ASAH2: variants seen among roughly 807,000 people sequenced by gnomAD.
The protein encoded by ASAH2 is neutral ceramidase.
A neutral mutation model predicts 82.9 loss-of-function variants in ASAH2; 58 were observed. The observed-to-expected ratio is 0.70, with a 90% confidence interval of 0.57 to 0.87. The LOEUF is 0.87. ASAH2 is among the 40% of genes least tolerant of loss of function. The pLI is 0.00. For synonymous variants in ASAH2, 276 were observed against 289.7 expected, an observed-to-expected ratio of 0.95 and a Z score of 0.48; for missense variants, 779 against 834.0, an observed-to-expected ratio of 0.93 and a Z score of 0.81.
chr10:50,198,879 C>T (rs1266445817), intron 17 of ASAH2, among the ~76,000 whole-genome samples, 172 bp downstream of exon 17: 18 of 151,952 alleles, frequency 1.2e-4, no homozygotes, highest in Admixed American at 7.9e-4. Context: ...AGAGATACCA[C>T]AAAACTATAA....
intron 7 of ASAH2, among the ~76,000 whole-genome samples, chr10:50,220,221 G>T (rs1845705270): frequency 6.6e-6 from 1 of 152,106 alleles, no homozygotes; most frequent in African/African-American, 2.4e-5. Flanking sequence ...TAATTTTGTT[G>T]GTTGTAATAA....
intron 7 of ASAH2, among the ~76,000 whole-genome samples, chr10:50,224,589 G>A (rs2133217688): frequency 6.6e-6 from 1 of 152,026 alleles, no homozygotes; most frequent in African/African-American, 2.4e-5. Flanking sequence ...TCATTTGCAA[G>A]GTGGGGCGTG....
chr10:50,227,867 G>A (rs1163612050), intron 7 of ASAH2, among the ~76,000 whole-genome samples: 1 of 152,118 alleles, frequency 6.6e-6, no homozygotes, highest in Non-Finnish European at 1.5e-5. Flanking sequence ...GCAGGGGAGA[G>A]GGGTGAACCT....
At chr10:50,205,454 G>GA (rs1233498706) in intron 13 of ASAH2, among the ~76,000 whole-genome samples, 5,210 of 151,888 alleles carry the variant, frequency 0.034, 154 homozygotes, top group Middle Eastern at 0.14. Context: ...GGATATTAGG[G>GA]AAAAATGTAT....
At chr10:50,228,773 GGAA>G (rs1304077389) in intron 7 of ASAH2, among the ~76,000 whole-genome samples, 1 of 151,854 alleles carries the variant, frequency 6.6e-6, no homozygotes, top group East Asian at 1.9e-4. Flanking sequence ...AAAGAGGGGA[GGAA>G]GAAGAGGAGG....
chr10:50,198,884 CTA>C (rs1207812064), intron 17 of ASAH2, among the ~76,000 whole-genome samples, 165 bp downstream of exon 17: 1 of 151,954 alleles, frequency 6.6e-6, no homozygotes, highest in Non-Finnish European at 1.5e-5. Flanking sequence ...TACCACAAAA[CTA>C]TAAATTTTGT....
intron 3 of ASAH2, 141 bp downstream of exon 3, chr10:50,245,081 T>C (rs764047071): frequency 6.0e-5 from 45 of 747,280 alleles, no homozygotes; most frequent in Non-Finnish European, 9.4e-5. Context: ...ATGAAATTCA[T>C]AGTGCTAGAC....
chr10:50,219,649 C>CATTTG (rs1845692847), intron 7 of ASAH2, among the ~76,000 whole-genome samples: 2 of 152,314 alleles, frequency 1.3e-5, no homozygotes, highest in South Asian at 4.1e-4. Flanking sequence ...TACATTCCTA[C>CATTTG]CTAAGCAATG....
At chr10:50,203,581 T>C in intron 15 of ASAH2, 59 bp downstream of exon 15, 1 of 1,345,054 alleles carries the variant, frequency 7.4e-7, no homozygotes, top group African/African-American at 1.4e-5. Context: ...AGGGATAGGA[T>C]ATACTTTCCT....
intron 1 of ASAH2, among the ~76,000 whole-genome samples, chr10:50,250,994 G>T (rs1468256321): frequency 4.6e-5 from 7 of 152,066 alleles, no homozygotes; most frequent in Admixed American, 2.6e-4. Context: ...TTAAAACTTG[G>T]GTTAGCACTA....
At chr10:50,220,467 T>G (rs1314768255) in intron 7 of ASAH2, among the ~76,000 whole-genome samples, 2 of 144,248 alleles carry the variant, frequency 1.4e-5, no homozygotes, top group Admixed American at 1.5e-4. Context: ...TATGAATATG[T>G]CCTTTGCCGG....
rs1477380463 is a variant in ASAH2, at chr10:50,185,181, G to T, written c.*2134C>A. Reference sequence around the variant, plus strand: ...CTGCAGCATCCACAGACATGAATTGGATCTGTGTTTTTATATCAACAGATA... The same window carrying T: ...CTGCAGCATCCACAGACATGAATTGTATCTGTGTTTTTATATCAACAGATA... On this transcript the variant is annotated 3_prime_UTR_variant, in exon 21 of 21. Coordinates refer to ENST00000682911, the MANE Select transcript of ASAH2 (RefSeq NM_019893.4). 2.6e-5 allele frequency: 4 copies of T among 151,036 alleles called. No individual in the cohort carries two copies. Among genetic ancestry groups the T allele is most frequent in the Non-Finnish European group, 5.9e-5 (4 of 67,676 alleles). The allele number at this position is 151,036 out of a possible 1,614,324, so 9.4% of individuals were successfully genotyped here.
chr10:50,222,325 C>G (rs1389896003), intron 7 of ASAH2, among the ~76,000 whole-genome samples: 1 of 152,220 alleles, frequency 6.6e-6, no homozygotes, highest in Non-Finnish European at 1.5e-5. Flanking sequence ...GTTGCCCAGG[C>G]TGGAGTGCAG....
At chr10:50,230,533 T>C (rs1245842276) in intron 7 of ASAH2, among the ~76,000 whole-genome samples, 1 of 152,090 alleles carries the variant, frequency 6.6e-6, no homozygotes, top group Non-Finnish European at 1.5e-5. Context: ...CAAGAGGCAA[T>C]TGCAGGAGCA....
intron 3 of ASAH2, among the ~76,000 whole-genome samples, chr10:50,243,638 C>T (rs1052335497): frequency 1.3e-5 from 2 of 152,280 alleles, no homozygotes; most frequent in Admixed American, 6.5e-5. Context: ...CAGGAGGGAG[C>T]TGGTGAGGCT....
At chr10:50,225,885 G>A (rs1845870661) in intron 7 of ASAH2, among the ~76,000 whole-genome samples, 1 of 152,118 alleles carries the variant, frequency 6.6e-6, no homozygotes, top group South Asian at 2.1e-4. Context: ...GAGGTCAGGA[G>A]TTTGAGACTA....
chr10:50,206,330 T>G (rs1845296292), intron 12 of ASAH2, among the ~76,000 whole-genome samples: 1 of 151,866 alleles, frequency 6.6e-6, no homozygotes, highest in Admixed American at 6.6e-5. Context: ...AACGACAGAG[T>G]ATATTTTGTC....
intron 8 of ASAH2, among the ~76,000 whole-genome samples, chr10:50,217,551 T>C (rs1845637842): frequency 6.6e-6 from 1 of 152,132 alleles, no homozygotes; most frequent in Non-Finnish European, 1.5e-5. Flanking sequence ...CTGTCATGAA[T>C]ATTTATGTGC....
chr10:50,206,419 G>C (rs1845298319), intron 12 of ASAH2, among the ~76,000 whole-genome samples: 1 of 151,684 alleles, frequency 6.6e-6, no homozygotes, highest in African/African-American at 2.4e-5. Context: ...ATTAACTGCA[G>C]ATTTGTGGAC....
Sources: gnomAD v4.1 joint callset for allele counts (sites outside exome capture counted in the v4.1 genomes callset) on GRCh38, gnomAD v4.1.1 for gene constraint, MANE v1.5 for transcripts, NCBI Gene and HGNC (gene_info 2026-07-23, HGNC 2026-07-21) for gene names.